Variants in LIMD1 observed in about 807,000 individuals in gnomAD.
The protein encoded by LIMD1 is LIM domain-containing protein 1.
LIMD1 carries 23 observed loss-of-function variants against 58.4 expected under a neutral mutation model. The ratio of observed to expected loss-of-function variants is 0.39; its 90% CI spans 0.28 to 0.56. The LOEUF (loss-of-function observed/expected upper bound fraction) is 0.56, where lower values mean the gene tolerates loss of function less well. LIMD1 is among the 20% of genes least tolerant of loss of function. LIMD1 has a pLI of 0.57. For synonymous variants in LIMD1, 334 were observed against 345.5 expected (o/e 0.97, Z 0.37); for missense variants, 838 against 855.5 (o/e 0.98, Z 0.25).
At chr3:45,621,657 A>G (rs1701629246) in intron 1 of LIMD1, among the ~76,000 whole-genome samples, 1 of 152,062 alleles carries the variant, frequency 6.6e-6, no homozygotes, top group East Asian at 1.9e-4. Flanking sequence ...TATATTTTCT[A>G]TTTTTCGTAT....
At chr3:45,603,355 A>G (rs1271745823) in intron 1 of LIMD1, among the ~76,000 whole-genome samples, 3 of 151,964 alleles carry the variant, frequency 2.0e-5, no homozygotes, top group East Asian at 1.9e-4. Context: ...CTCCTCCCAT[A>G]TCAGGCATTT....
At position 45,677,301 on chromosome 3, in the gene LIMD1, C is replaced by T. The variant is rs1575370295; in HGVS notation, c.*242C>T. 2.2e-6 allele frequency: 1 copy of T among 462,062 alleles called. No individual in the cohort carries two copies. 28.6% of individuals were successfully genotyped at this position (462,062 alleles called of 1,614,324 possible). A position where few individuals can be genotyped will look rare whatever the true frequency, so the allele number is the denominator to read the frequency against. ...TTTCCTCAGGTTACTCAGGAAAATG[C>T]TCCAGCATGTGCGAGCACATGACCT... On this transcript the variant is annotated 3_prime_UTR_variant, in exon 8 of 8. Transcript: ENST00000273317.
chr3:45,634,637 TC>T (rs762316236), intron 1 of LIMD1, among the ~76,000 whole-genome samples: 5 of 152,224 alleles, frequency 3.3e-5, no homozygotes, highest in Non-Finnish European at 5.9e-5. Flanking sequence ...GCCACTGTTG[TC>T]CCCATTTTCT....
chr3:45,608,165 T>A (rs935817311), intron 1 of LIMD1, among the ~76,000 whole-genome samples: 1 of 152,254 alleles, frequency 6.6e-6, no homozygotes, highest in African/African-American at 2.4e-5. Context: ...GCTTTCTGGC[T>A]GTAAGCTTGA....
In LIMD1 at chr3:45,676,905, T is replaced by C; in HGVS notation, c.1894-17T>C. The C allele has an allele frequency of 6.2e-7, 1 of 1,613,886 alleles. No homozygotes were observed. Among genetic ancestry groups the C allele is most frequent in the South Asian group, 1.1e-5 (1 of 91,078 alleles). ...TGTTTTGTTTTGCTTCCCCTGGACA[T>C]GTCTGCCTCCCCACAGGACTGTGGT... On this transcript the variant is annotated splice_polypyrimidine_tract_variant and intron_variant, in intron 7 of 7. Coordinates refer to ENST00000273317, the MANE Select transcript of LIMD1 (RefSeq NM_014240.3).
rs553757543 is a variant in LIMD1, at chr3:45,663,868, A to ATTTTTTTTTTTTTT, written c.1511-1775_1511-1762dup. 6.2e-4 allele frequency among the ~76,000 whole-genome samples: 64 copies of ATTTTTTTTTTTTTT among 102,846 alleles called. 11 individuals carry two copies. The highest frequency in any genetic ancestry group is 2.6e-3 in the African/African-American group (61 of 23,346). 67.5% of individuals were successfully genotyped at this position (102,846 alleles called of 152,430 possible). A position where few individuals can be genotyped will look rare whatever the true frequency, so the allele number is the denominator to read the frequency against. On this transcript the variant is annotated intron_variant, in intron 2 of 7. Transcript: ENST00000273317. ...TAGTGCGTGGCACCATGCCTGGCTA[A>ATTTTTTTTTTTTTT]TTTTTTTTTTTTTTTTTTTTGAGAC...
chr3:45,598,982 G>A (rs1307949134), intron 1 of LIMD1, among the ~76,000 whole-genome samples: 2 of 152,144 alleles, frequency 1.3e-5, no homozygotes, highest in Admixed American at 6.5e-5. Flanking sequence ...GGAAGCTCAG[G>A]GAGATTAAAT....
chr3:45,676,346 A>T (rs974188550), intron 7 of LIMD1, among the ~76,000 whole-genome samples: 3 of 130,426 alleles, frequency 2.3e-5, no homozygotes, highest in Admixed American at 1.5e-4. Context: ...TATTTCTTCT[A>T]AAAAAAAAAA....
chr3:45,649,466 G>A (rs1701941521), intron 2 of LIMD1, among the ~76,000 whole-genome samples: 1 of 151,480 alleles, frequency 6.6e-6, no homozygotes, highest in South Asian at 2.1e-4. Flanking sequence ...CCAATCATGA[G>A]GTCAGAAGAT....
chr3:45,675,245 A>C (rs1697652012), intron 7 of LIMD1, among the ~76,000 whole-genome samples: 1 of 152,228 alleles, frequency 6.6e-6, no homozygotes. Context: ...AAGAAATATA[A>C]GGGGCCGGGC....
chr3:45,634,659 C>T (rs942137656), intron 1 of LIMD1, among the ~76,000 whole-genome samples: 62 of 152,208 alleles, frequency 4.1e-4, no homozygotes, highest in Non-Finnish European at 1.8e-4. Context: ...AGCCCAACAT[C>T]GGAGTTTAAT....
intron 1 of LIMD1, chr3:45,632,498 A>T (rs557789008): frequency 1.0e-6 from 1 of 985,348 alleles, no homozygotes; most frequent in East Asian, 1.1e-4. Context: ...GGGCCTTGGA[A>T]TGAAGTGCTT....
rs57091993 is a variant in LIMD1, at chr3:45,594,778, AACACAC to A, written c.-41_-36del. The A allele has an allele frequency of 5.9e-3, 4,324 of 730,454 alleles. 60 individuals are homozygous for A. The highest frequency in any genetic ancestry group is 0.014 in the African/African-American group (540 of 37,952). 45.2% of individuals were successfully genotyped at this position (730,454 alleles called of 1,614,324 possible). On this transcript the variant is annotated 5_prime_UTR_variant, in exon 1 of 8. Coordinates refer to ENST00000273317, the MANE Select transcript of LIMD1 (RefSeq NM_014240.3). ...TCGCCAGCATCTCCCCGCTGCCCTCAACACACACACACACACACACACACACACACA... is the reference window on the plus strand; with the variant it reads ...TCGCCAGCATCTCCCCGCTGCCCTCAACACACACACACACACACACACACA...
chr3:45,602,138 TG>T (rs1353526963), intron 1 of LIMD1, among the ~76,000 whole-genome samples: 1 of 152,026 alleles, frequency 6.6e-6, no homozygotes, highest in African/African-American at 2.4e-5. Flanking sequence ...TTAGTAGAGA[TG>T]GGGTTTCACT....
In LIMD1 at chr3:45,595,221, TG is replaced by T; in HGVS notation, c.346del (p.Ala116GlnfsTer87). On this transcript the variant is annotated frameshift_variant, in exon 1 of 8. Transcript: ENST00000273317. LOFTEE classifies it high-confidence loss of function. ...PPLAASTGAP[G>X]AVTTLAAGQP... ...CTCTTGCTGCCTCGACAGGGGCACC[TG>T]GGGCAGTCACCACCCTCGCTGCTGG... 6.2e-7 allele frequency: 1 copy of T among 1,602,706 alleles called. No individual in the cohort carries two copies. The highest frequency in any genetic ancestry group is 8.5e-7 in the Non-Finnish European group (1 of 1,174,304).
intron 2 of LIMD1, among the ~76,000 whole-genome samples, chr3:45,652,641 A>G (rs1159176243): frequency 6.6e-6 from 1 of 152,234 alleles, no homozygotes; most frequent in African/African-American, 2.4e-5. Flanking sequence ...AGCTCAGTCT[A>G]GGGCTCTATT....
intron 4 of LIMD1, among the ~76,000 whole-genome samples, chr3:45,671,964 G>T (rs1359696305): frequency 6.6e-6 from 1 of 152,212 alleles, no homozygotes; most frequent in Non-Finnish European, 1.5e-5. Flanking sequence ...TCTTGGGTCT[G>T]TCCTGGTTTC....
intron 4 of LIMD1, among the ~76,000 whole-genome samples, chr3:45,668,624 A>G (rs1424269237): frequency 6.6e-6 from 1 of 152,150 alleles, no homozygotes; most frequent in Non-Finnish European, 1.5e-5. Flanking sequence ...GTGGTGGTGC[A>G]TGCCTGTAGT....
intron 1 of LIMD1, among the ~76,000 whole-genome samples, chr3:45,601,664 G>C (rs1701414057): frequency 6.6e-6 from 1 of 152,220 alleles, no homozygotes. Flanking sequence ...ACTTAGTTTT[G>C]ATGTAGGCAC....
Sources: allele counts gnomAD v4.1 joint callset (sites outside exome capture counted in the v4.1 genomes callset), GRCh38; gene constraint gnomAD v4.1.1; transcripts MANE v1.5; gene names NCBI Gene and HGNC (gene_info 2026-07-23, HGNC 2026-07-21).